CD38: variants seen among roughly 807,000 people sequenced by gnomAD.
CD38 encodes the protein CD38 molecule.
In CD38, 31 loss-of-function variants were observed where a neutral mutation model predicts 36.3. That is an observed-to-expected ratio of 0.85 (90% confidence interval 0.64 to 1.15). The LOEUF is 1.15. Ranked by LOEUF, CD38 falls within the 50% of genes most tolerant of loss-of-function variation. CD38 has a pLI of 0.00. For missense variants in CD38, 380 were observed against 371.9 expected (o/e 1.02, Z -0.18); for synonymous variants, 131 against 135.2 (o/e 0.97, Z 0.22).
At chr4:15,791,472 G>C (rs1722986419) in intron 1 of CD38, among the ~76,000 whole-genome samples, 1 of 54,082 alleles carries the variant, frequency 1.8e-5, no homozygotes, top group Non-Finnish European at 3.3e-5. Flanking sequence ...GTCCGGGAGG[G>C]AGGTGGGGGG....
At chr4:15,810,913 T>G (rs1162862833) in intron 1 of CD38, among the ~76,000 whole-genome samples, 1 of 152,246 alleles carries the variant, frequency 6.6e-6, no homozygotes, top group East Asian at 1.9e-4. Flanking sequence ...GGTACTGGGC[T>G]GAGGACTTCA....
chr4:15,790,712 A>C (rs1722955820), intron 1 of CD38, among the ~76,000 whole-genome samples: 4 of 129,900 alleles, frequency 3.1e-5, no homozygotes, highest in African/African-American at 6.1e-5. Flanking sequence ...CCCGGCCGCC[A>C]TCCCATCTAG....
chr4:15,780,403 T>G (rs1722664846), intron 1 of CD38, among the ~76,000 whole-genome samples: 1 of 152,142 alleles, frequency 6.6e-6, no homozygotes, highest in Non-Finnish European at 1.5e-5. Context: ...TATGTTTATT[T>G]GCCATTTATA....
chr4:15,830,349 T>C (rs528229144), intron 3 of CD38, among the ~76,000 whole-genome samples: 2 of 152,356 alleles, frequency 1.3e-5, no homozygotes, highest in South Asian at 4.1e-4. Flanking sequence ...GTCAATGATT[T>C]GAACACATTT....
At chr4:15,826,127 T>A (rs1405064870) in intron 3 of CD38, 1 of 152,074 alleles carries the variant, frequency 6.6e-6, no homozygotes, top group East Asian at 1.9e-4. Flanking sequence ...GAAAAAAAAA[T>A]ACTTGCACAT....
rs575693146 is a variant in CD38, at chr4:15,779,695, A to G, written c.233+1048A>G. Among the ~76,000 whole-genome samples, 37 of 152,284 alleles carry G rather than the reference A, an allele frequency of 2.4e-4. 1 individual carries two copies. In the South Asian group the frequency reaches 3.5e-3, roughly 15 times the overall value. Reference sequence around the variant, plus strand: ...TTGTTCTATTTACACATAATTAGATACTTAATGGAGAGAGAAACTAGAAGT... The same window carrying G: ...TTGTTCTATTTACACATAATTAGATGCTTAATGGAGAGAGAAACTAGAAGT... On this transcript the variant is annotated intron_variant, in intron 1 of 7. Coordinates refer to ENST00000226279, the MANE Select transcript of CD38 (RefSeq NM_001775.4).
At position 15,852,890 on chromosome 4, in the gene CD38, G is replaced by C. The variant is rs1002730973; in HGVS notation, c.*4288G>C. ...AGTGGCGCGATCTCGGCTCACTGCA[G>C]GCTCCACCCCCTGGGGTTCACGCCA... On this transcript the variant is annotated 3_prime_UTR_variant, in exon 8 of 8. Transcript: ENST00000226279. 1.3e-5 allele frequency: 2 copies of C among 150,522 alleles called. No individual in the cohort carries two copies. Among genetic ancestry groups the C allele is most frequent in the East Asian group, 3.9e-4 (2 of 5,092 alleles). 9.3% of individuals were successfully genotyped at this position (150,522 alleles called of 1,614,324 possible). A position where few individuals can be genotyped will look rare whatever the true frequency, so the allele number is the denominator to read the frequency against.
intron 1 of CD38, among the ~76,000 whole-genome samples, chr4:15,790,150 T>TCC (rs1722931717): frequency 6.6e-5 from 1 of 15,076 alleles, no homozygotes; most frequent in Non-Finnish European, 1.0e-4. Context: ...CCTCTCCCTC[T>TCC]CCCTCTCCCC....
chr4:15,810,860 A>T (rs900747022), intron 1 of CD38, among the ~76,000 whole-genome samples: 1 of 152,208 alleles, frequency 6.6e-6, no homozygotes, highest in Non-Finnish European at 1.5e-5. Context: ...GCATTAATTA[A>T]TTACACCTGC....
intron 1 of CD38, among the ~76,000 whole-genome samples, chr4:15,806,953 C>T (rs928861074): frequency 1.3e-5 from 2 of 152,154 alleles, no homozygotes; most frequent in Non-Finnish European, 2.9e-5. Flanking sequence ...CTGATTATGG[C>T]AGTCCAATTG....
chr4:15,791,110 G>T, intron 1 of CD38, among the ~76,000 whole-genome samples: 1 of 124,758 alleles, frequency 8.0e-6, no homozygotes, highest in Non-Finnish European at 1.6e-5. Context: ...CCTCTGCCCG[G>T]CCGCCCCTAC....
At chr4:15,788,515 A>G (rs1184905766) in intron 1 of CD38, among the ~76,000 whole-genome samples, 2 of 152,100 alleles carry the variant, frequency 1.3e-5, no homozygotes, top group Non-Finnish European at 2.9e-5. Flanking sequence ...ATGAGAAGCC[A>G]GATGAAGAGA....
At chr4:15,837,028 A>C (rs1371657649) in intron 4 of CD38, among the ~76,000 whole-genome samples, 1 of 152,230 alleles carries the variant, frequency 6.6e-6, no homozygotes, top group Non-Finnish European at 1.5e-5. Context: ...GACAGTGAAC[A>C]TTCATGGGCA....
chr4:15,826,992 TTAG>T (rs755642449), intron 3 of CD38, among the ~76,000 whole-genome samples: 24 of 152,210 alleles, frequency 1.6e-4, no homozygotes, highest in Non-Finnish European at 3.1e-4. Context: ...TATTTTCTAA[TTAG>T]TAGAAGTTCT....
At chr4:15,793,678 A>G (rs138130869) in intron 1 of CD38, among the ~76,000 whole-genome samples, 3 of 152,320 alleles carry the variant, frequency 2.0e-5, no homozygotes, top group African/African-American at 7.2e-5. Context: ...GTAGCAGGAC[A>G]AGGACATCAG....
At position 15,815,957 on chromosome 4, in the gene CD38, A is replaced by G. The variant is rs1182543215; in HGVS notation, c.234-554A>G. 2.6e-5 allele frequency among the ~76,000 whole-genome samples: 4 copies of G among 152,156 alleles called. No homozygotes were observed. The East Asian group carries it at 7.7e-4, about 29-fold the overall frequency. The stretch of plus-strand genomic sequence containing the variant: ...TGTTCCATCGATACCTAGTTTATTG[A>G]GAGTTTTTAGCATGAAGGGATGTTG... On this transcript the variant is annotated intron_variant, in intron 1 of 7. Coordinates refer to ENST00000226279, the MANE Select transcript of CD38 (RefSeq NM_001775.4).
chr4:15,848,406 AGAG>A (rs1164144506), intron 7 of CD38, 130 bp from the exon 8 acceptor site: 2 of 575,452 alleles, frequency 3.5e-6, no homozygotes, highest in East Asian at 2.9e-5. Context: ...TCACTGCAGG[AGAG>A]GAGTTTATAT....
chr4:15,808,470 G>A (rs1163240240), intron 1 of CD38, among the ~76,000 whole-genome samples: 2 of 152,144 alleles, frequency 1.3e-5, no homozygotes. Flanking sequence ...AGTTGCCCAG[G>A]CAATTTAACA....
At chr4:15,784,919 G>T (rs531065218) in intron 1 of CD38, among the ~76,000 whole-genome samples, 1 of 152,252 alleles carries the variant, frequency 6.6e-6, no homozygotes, top group South Asian at 2.1e-4. Flanking sequence ...AGCCGGGTGT[G>T]GTTGCGTGCA....
Sources: gnomAD v4.1 joint callset for allele counts (sites outside exome capture counted in the v4.1 genomes callset) on GRCh38, gnomAD v4.1.1 for gene constraint, MANE v1.5 for transcripts, NCBI Gene and HGNC (gene_info 2026-07-23, HGNC 2026-07-21) for gene names.